Variants in HKDC1 observed in about 807,000 individuals in gnomAD.
The protein encoded by HKDC1 is hexokinase domain containing 1.
HKDC1 carries 66 observed loss-of-function variants against 96.6 expected under a neutral mutation model. The ratio of observed to expected loss-of-function variants is 0.68; its 90% CI spans 0.56 to 0.84. The LOEUF (loss-of-function observed/expected upper bound fraction) is 0.84, where lower values mean the gene tolerates loss of function less well. Ranked by LOEUF, HKDC1 falls within the 40% of genes least tolerant of loss-of-function variation. The probability of loss-of-function intolerance (pLI) is 0.00; values close to 1 mark genes in which losing one functional copy is unlikely to be tolerated. For missense variants in HKDC1, 1,211 were observed against 1,208.1 expected (o/e 1.00, Z -0.04); for synonymous variants, 466 against 473.1 (o/e 0.98, Z 0.20).
chr10:69,228,962 GAAGA>G (rs376599681), intron 2 of HKDC1, among the ~76,000 whole-genome samples: 220 of 152,012 alleles, frequency 1.4e-3, no homozygotes, highest in African/African-American at 3.9e-3. Flanking sequence ...GAAAGAGAAA[GAAGA>G]AAGAAAGAAA....
chr10:69,231,866 A>G (rs906980419), intron 2 of HKDC1, among the ~76,000 whole-genome samples: 1 of 152,208 alleles, frequency 6.6e-6, no homozygotes, highest in Non-Finnish European at 1.5e-5. Flanking sequence ...TAAAAGTTGC[A>G]TAGGATTAAC....
rs745328910 is a variant in HKDC1, at chr10:69,248,531, C to T, written c.1373C>T (p.Ala458Val). ...ACCAAGGGGGCCGCCATGGTGACCG[C>T]GGTGGCCTCCCGCGTGCAGGCCCAG... ...GSTKGAAMVTAVASRVQAQRK... is the reference protein window; with the variant it reads ...GSTKGAAMVTVVASRVQAQRK... Residue 458 changes from alanine to valine, a missense_variant, in exon 10 of 18, where the codon GCG becomes GTG. By Grantham distance (64) the Ala-to-Val change is moderately conservative. Coordinates refer to ENST00000354624, the MANE Select transcript of HKDC1 (RefSeq NM_025130.4). 3.2e-5 allele frequency: 52 copies of T among 1,613,804 alleles called. No homozygotes were observed. The highest frequency in any genetic ancestry group is 4.0e-5 in the African/African-American group (3 of 74,944).
chr10:69,230,830 G>A (rs1425311950), intron 2 of HKDC1, among the ~76,000 whole-genome samples: 1 of 152,162 alleles, frequency 6.6e-6, no homozygotes, highest in Non-Finnish European at 1.5e-5. Flanking sequence ...TATTGACCAG[G>A]CTGGTGTTGA....
At chr10:69,264,376 T>A (rs554591232) in intron 16 of HKDC1, among the ~76,000 whole-genome samples, 1 of 150,218 alleles carries the variant, frequency 6.7e-6, no homozygotes, top group African/African-American at 2.5e-5. Flanking sequence ...CGCAAACTCA[T>A]CTTTTTTTTT....
rs1843626968 is a variant in HKDC1, at chr10:69,250,620, T to C, written c.1804T>C (p.Ser602Pro). The change falls in exon 12 of 18, where the codon TCA (serine) becomes CCA (proline). Residue 602 changes from serine (S) to proline (P), a missense_variant. Transcript: ENST00000354624. ...CTCCCTACCTTTGGGCTTCACATTC[T>C]CATTTCCCTGCAGGCAGATGAGCAT... ...GASLPLGFTF[S>P]FPCRQMSIDK... 3 of 1,613,858 alleles carry C rather than the reference T, an allele frequency of 1.9e-6. No homozygotes were observed. Among genetic ancestry groups the C allele is most frequent in the South Asian group, 2.2e-5 (2 of 91,082 alleles).
chr10:69,244,830 AAT>A (rs1012421813), intron 7 of HKDC1, among the ~76,000 whole-genome samples: 1 of 151,386 alleles, frequency 6.6e-6, no homozygotes, highest in Non-Finnish European at 1.5e-5. Flanking sequence ...TGTCTCAAAA[AAT>A]ATATATATAT....
intron 16 of HKDC1, chr10:69,265,348 C>T: frequency 5.6e-6 from 3 of 532,680 alleles, no homozygotes; most frequent in Non-Finnish European, 1.0e-5. Context: ...CAGATATGAA[C>T]ATGCTGAACA....
At chr10:69,245,886 G>T (rs373236754) in intron 7 of HKDC1, among the ~76,000 whole-genome samples, 193 bp from the exon 8 acceptor site, 1 of 152,166 alleles carries the variant, frequency 6.6e-6, no homozygotes, top group African/African-American at 2.4e-5. Flanking sequence ...TATGCTCGAT[G>T]TGAGAATGGT....
chr10:69,250,198 T>C (rs1843616024), intron 10 of HKDC1, 92 bp from the exon 11 acceptor site: 1 of 1,417,562 alleles, frequency 7.1e-7, no homozygotes, highest in Non-Finnish European at 9.7e-7. Flanking sequence ...GTGCAGGCCC[T>C]GGGTCCGCTC....
chr10:69,251,758 CTTTTCT>C (rs1295225530), intron 12 of HKDC1, among the ~76,000 whole-genome samples: 3 of 144,172 alleles, frequency 2.1e-5, no homozygotes, highest in African/African-American at 7.6e-5. Context: ...GAATTGTTTT[CTTTTCT>C]TTTTTTTTTT....
At position 69,250,418 on chromosome 10, in the gene HKDC1, C is replaced by T. The variant is rs1389301509; in HGVS notation, c.1699C>T (p.Gln567Ter). ...KIFAIPLEIM[Q>*]GTGEELFDHI... ...CTTCGCCATCCCCCTGGAGATCATGCAGGGCACTGGTGAGGAGGTAAGTGC... is the reference window on the plus strand; with the variant it reads ...CTTCGCCATCCCCCTGGAGATCATGTAGGGCACTGGTGAGGAGGTAAGTGC... The change falls in exon 11 of 18, where the codon CAG becomes TAG. Residue 567 changes from glutamine (Q) to a stop codon, truncating the protein, a stop_gained. Coordinates refer to ENST00000354624, the MANE Select transcript of HKDC1 (RefSeq NM_025130.4). LOFTEE classifies it high-confidence loss of function. 1 of 1,613,676 alleles carries T rather than the reference C, an allele frequency of 6.2e-7. No individual in the cohort carries two copies. Among genetic ancestry groups the T allele is most frequent in the Admixed American group, 1.7e-5 (1 of 60,016 alleles).
Position 69,250,568 on chromosome 10 carries a change from C to T in HKDC1, c.1752C>T (p.Phe584=). 1.9e-6 allele frequency: 3 copies of T among 1,614,146 alleles called. No homozygotes were observed. The highest frequency in any genetic ancestry group is 1.1e-5 in the South Asian group (1 of 91,084). ...FDHIVQCIAD[F]LDYMGLKGAS... The stretch of plus-strand genomic sequence containing the variant: ...ACATTGTGCAGTGCATCGCCGACTT[C>T]CTGGACTACATGGGCCTCAAGGGAG... The change falls in exon 12 of 18, where the codon TTC becomes TTT. Residue 584 remains phenylalanine, a synonymous_variant. Transcript: ENST00000354624.
intron 9 of HKDC1, 119 bp from the exon 10 acceptor site, chr10:69,248,305 T>C: frequency 1.0e-6 from 1 of 972,612 alleles, no homozygotes; most frequent in South Asian, 1.7e-5. Context: ...CATCAGCAAA[T>C]AAAGGGCTGA....
intron 13 of HKDC1, 89 bp downstream of exon 13, chr10:69,257,220 C>T: frequency 6.9e-7 from 1 of 1,450,728 alleles, no homozygotes; most frequent in South Asian, 1.1e-5. Context: ...TCCTATGACT[C>T]TGGCCTCTGT....
chr10:69,234,570 T>C (rs1176498861), intron 4 of HKDC1, among the ~76,000 whole-genome samples: 1 of 152,278 alleles, frequency 6.6e-6, no homozygotes, highest in African/African-American at 2.4e-5. Flanking sequence ...TTCTCATTTG[T>C]AAAGCAGGGA....
intron 15 of HKDC1, 36 bp from the exon 16 acceptor site, chr10:69,261,103 A>G (rs377239015): frequency 1.3e-6 from 2 of 1,592,422 alleles, no homozygotes; most frequent in African/African-American, 1.3e-5. Flanking sequence ...TCTGCATTGC[A>G]GGTCTGCCCC....
In HKDC1 at chr10:69,250,609, G is replaced by T; in HGVS notation, c.1793G>T (p.Gly598Val). The change falls in exon 12 of 18, where the codon GGC (glycine) becomes GTC (valine). Residue 598 changes from glycine (G) to valine (V), a missense_variant. Coordinates refer to ENST00000354624, the MANE Select transcript of HKDC1 (RefSeq NM_025130.4). ...CTCAAGGGAGCCTCCCTACCTTTGG[G>T]CTTCACATTCTCATTTCCCTGCAGG... ...MGLKGASLPL[G>V]FTFSFPCRQM... is the part of the protein sequence containing the mutation. 1 of 1,613,964 alleles carries T rather than the reference G, an allele frequency of 6.2e-7. No individual in the cohort carries two copies. The highest frequency in any genetic ancestry group is 8.5e-7 in the Non-Finnish European group (1 of 1,180,010).
At position 69,263,626 on chromosome 10, in the gene HKDC1, G is replaced by T. The variant is rs376998448; in HGVS notation, c.2373-1959G>T. On this transcript the variant is annotated intron_variant, in intron 16 of 17. Transcript: ENST00000354624. The stretch of plus-strand genomic sequence containing the variant: ...GTTTATGCTGCGTGACCTGGGGCAG[G>T]TTGTTTCACCTCTTTGAACCTCAGT... Among the ~76,000 whole-genome samples the T allele has an allele frequency of 8.1e-4, 124 of 152,286 alleles. 3 individuals are homozygous for T. The South Asian group carries it at 0.025, about 30-fold the overall frequency.
intron 16 of HKDC1, 43 bp from the exon 17 acceptor site, chr10:69,265,542 G>A (rs1446718395): frequency 1.3e-6 from 2 of 1,562,188 alleles, no homozygotes; most frequent in Non-Finnish European, 1.8e-6. Flanking sequence ...ACATCCCGGG[G>A]TCCTGGGAAG....
Sources: allele counts gnomAD v4.1 joint callset (sites outside exome capture counted in the v4.1 genomes callset), GRCh38; gene constraint gnomAD v4.1.1; transcripts MANE v1.5; gene names NCBI Gene and HGNC (gene_info 2026-07-23, HGNC 2026-07-21).